The following MS4A18 variants were observed in gnomAD, a reference collection of about 807,000 sequenced individuals.
The protein encoded by MS4A18 is membrane spanning 4-domains A18.
MS4A18 carries 27 observed loss-of-function variants against 13.1 expected under a neutral mutation model. The ratio of observed to expected loss-of-function variants is 2.06; its 90% CI spans 1.52 to 2.84. MS4A18 has a LOEUF of 2.84. MS4A18 is among the 30% of genes most tolerant of loss of function. The pLI is 0.00. For synonymous variants in MS4A18, 126 were observed against 76.5 expected (o/e 1.65, Z -3.38); for missense variants, 307 against 196.4 (o/e 1.56, Z -3.37).
intron 4 of MS4A18, among the ~76,000 whole-genome samples, chr11:60,740,804 C>A (rs369159344): frequency 1.1e-4 from 17 of 152,080 alleles, no homozygotes. Context: ...CCAGAGAGAG[C>A]CCTGAGGCAA....
rs1189848263 is a variant in MS4A18 at position 60,740,925 on chromosome 11, G to C, written c.745-105G>C. The C allele has an allele frequency of 4.5e-5, 31 of 683,754 alleles. No individual in the cohort carries two copies. The Admixed American group carries it at 6.1e-4, about 13-fold the overall frequency. 42.4% of individuals were successfully genotyped at this position (683,754 alleles called of 1,614,324 possible). ...TGCTCCAAAGGGCCACATGCAGAGAGGGTCTCAGGCCTTCCAGGTGAGGTG... is the reference window on the plus strand; with the variant it reads ...TGCTCCAAAGGGCCACATGCAGAGACGGTCTCAGGCCTTCCAGGTGAGGTG... On this transcript the variant is annotated intron_variant, in intron 4 of 5. Coordinates refer to ENST00000529108, the Ensembl canonical transcript of MS4A18.
At chr11:60,728,140 A>T (rs2134672236), upstream of MS4A18, among the ~76,000 whole-genome samples, 1 of 152,372 alleles carries the variant, frequency 6.6e-6, no homozygotes, top group East Asian at 1.9e-4. Flanking sequence ...AGGGATGATC[A>T]TTCCCAGGCC....
intron 1 of MS4A18, among the ~76,000 whole-genome samples, chr11:60,732,877 T>G (rs1295657351): frequency 1.3e-5 from 2 of 152,062 alleles, no homozygotes; most frequent in Middle Eastern, 3.2e-3. Context: ...TCAAACATGC[T>G]CTTGAGGCTG....
upstream of MS4A18, among the ~76,000 whole-genome samples, chr11:60,724,745 A>G (rs2088403902): frequency 6.6e-6 from 1 of 152,220 alleles, no homozygotes; most frequent in Non-Finnish European, 1.5e-5. Flanking sequence ...GGCTGCAGAA[A>G]CCCACAGAGC....
chr11:60,738,785 T>C, intron 3 of MS4A18, 117 bp from the exon 5 acceptor site: 2 of 609,496 alleles, frequency 3.3e-6, no homozygotes, highest in Non-Finnish European at 5.8e-6. Context: ...CCACCCTGCC[T>C]GGCCAACTCT....
At chr11:60,744,610 CAT>C (rs1433679481), downstream of MS4A18, among the ~76,000 whole-genome samples, 1 of 152,076 alleles carries the variant, frequency 6.6e-6, no homozygotes, top group Non-Finnish European at 1.5e-5. Flanking sequence ...ATTTGCAAAT[CAT>C]ATATCTGACA....
downstream of MS4A18, chr11:60,744,237 C>T (rs1565062993): frequency 2.0e-6 from 1 of 487,844 alleles, no homozygotes; most frequent in Non-Finnish European, 3.7e-6. Context: ...TTAACCTTGG[C>T]AAAGTTCAGG....
chr11:60,731,374 A>G (rs1455480772), intron 1 of MS4A18, among the ~76,000 whole-genome samples: 1 of 152,234 alleles, frequency 6.6e-6, no homozygotes, highest in East Asian at 1.9e-4. Flanking sequence ...CAAAATGAAA[A>G]GCCAAAAAGC....
At chr11:60,732,730 C>CAA (rs200295786) in intron 1 of MS4A18, among the ~76,000 whole-genome samples, 1,327 of 70,374 alleles carry the variant, frequency 0.019, 52 homozygotes, top group Admixed American at 0.1. Flanking sequence ...GACTCCGTCT[C>CAA]AAAAAAAAAA....
intron 5 of MS4A18, among the ~76,000 whole-genome samples, chr11:60,742,682 T>C (rs1853428098): frequency 6.6e-6 from 1 of 152,246 alleles, no homozygotes; most frequent in Admixed American, 6.5e-5. Context: ...CTTTGAATGT[T>C]ATTTATCCAT....
At chr11:60,735,661 C>CTTTTTTTTTTTTTTTTTT (rs1167113182) in intron 2 of MS4A18, among the ~76,000 whole-genome samples, 5 of 90,110 alleles carry the variant, frequency 5.5e-5, no homozygotes, top group African/African-American at 2.5e-4. Flanking sequence ...CATTCCCTTG[C>CTTTTTTTTTTTTTTTTTT]TTTTTTTTTT....
upstream of MS4A18, among the ~76,000 whole-genome samples, chr11:60,729,137 A>G (rs1489357185): frequency 1.3e-5 from 2 of 152,192 alleles, no homozygotes; most frequent in Non-Finnish European, 2.9e-5. Flanking sequence ...AAATCCGTAA[A>G]AGGAAAACAG....
intron 3 of MS4A18, among the ~76,000 whole-genome samples, chr11:60,737,383 G>A (rs2134679194): frequency 6.6e-6 from 1 of 152,336 alleles, no homozygotes; most frequent in Non-Finnish European, 1.5e-5. Context: ...AAACTCATGA[G>A]TATTTACACG....
chr11:60,741,592 G>T (rs1054256130), intron 5 of MS4A18, among the ~76,000 whole-genome samples: 1 of 152,134 alleles, frequency 6.6e-6, no homozygotes, highest in African/African-American at 2.4e-5. Flanking sequence ...TGTCCCACTG[G>T]TCACAGTCAG....
At position 60,732,738 on chromosome 11, in the gene MS4A18, A is replaced by G. The variant is rs1441316569; in HGVS notation, c.478-796A>G. Among the ~76,000 whole-genome samples, 5 of 120,258 alleles carry G rather than the reference A, an allele frequency of 4.2e-5. No homozygotes were observed. The East Asian group carries it at 1.5e-3, about 37-fold the overall frequency. The allele number at this position is 120,258 out of a possible 152,430, so 78.9% of individuals were successfully genotyped here. ...AGGGCAAGACTCCGTCTCAAAAAAA[A>G]AAAAAAAAAAAAAAGAAACACCTAC... On this transcript the variant is annotated intron_variant, in intron 1 of 5. Transcript: ENST00000529108.
At chr11:60,735,312 A>T (rs1185011803) in intron 2 of MS4A18, among the ~76,000 whole-genome samples, 1 of 150,564 alleles carries the variant, frequency 6.6e-6, no homozygotes, top group Non-Finnish European at 1.5e-5. Context: ...AGAGGTAACC[A>T]CTATTTTCAA....
At chr11:60,742,589 C>A (rs1339138849) in intron 5 of MS4A18, among the ~76,000 whole-genome samples, 2 of 152,182 alleles carry the variant, frequency 1.3e-5, no homozygotes, top group Admixed American at 6.5e-5. Flanking sequence ...GTCTAATAAG[C>A]ACTGATTAAG....
chr11:60,738,032 CG>C (rs1176844498), intron 3 of MS4A18, among the ~76,000 whole-genome samples: 1 of 152,220 alleles, frequency 6.6e-6, no homozygotes, highest in Non-Finnish European at 1.5e-5. Flanking sequence ...ACTGCTGACT[CG>C]TGGGGGTCTC....
chr11:60,739,116 A>T, intron 4 of MS4A18, 119 bp downstream of exon 5: 1 of 633,168 alleles, frequency 1.6e-6, no homozygotes, highest in African/African-American at 1.8e-5. Context: ...CAACCACTAC[A>T]TCCATAAGCT....
Sources: allele counts gnomAD v4.1 joint callset (sites outside exome capture counted in the v4.1 genomes callset), GRCh38; gene constraint gnomAD v4.1.1; transcripts MANE v1.5; gene names NCBI Gene and HGNC (gene_info 2026-07-23, HGNC 2026-07-21).